Variants in NRXN1 observed in about 807,000 individuals in gnomAD.
NRXN1 encodes the protein neurexin-1.
NRXN1 carries 39 observed loss-of-function variants against 150.9 expected under a neutral mutation model. That is an observed-to-expected ratio of 0.26 (90% CI 0.20 to 0.34). The LOEUF is 0.34. Among genes scored for constraint, NRXN1 ranks in the 10% least tolerant of loss-of-function variants. The probability of loss-of-function intolerance (pLI) is 1.00; values close to 1 mark genes in which losing one functional copy is unlikely to be tolerated. For synonymous variants in NRXN1, 924 were observed against 757.0 expected, an observed-to-expected ratio of 1.22 and a Z score of -3.62; for missense variants, 1,815 against 1,949.9, an observed-to-expected ratio of 0.93 and a Z score of 1.30.
At chr2:50,056,800 CA>C (rs377747671) in intron 19 of NRXN1, among the ~76,000 whole-genome samples, 4 of 152,118 alleles carry the variant, frequency 2.6e-5, no homozygotes, top group Admixed American at 6.5e-5. Flanking sequence ...ATTTGAAAAG[CA>C]ATCACAAAAT....
intron 18 of NRXN1, among the ~76,000 whole-genome samples, chr2:50,132,070 G>A (rs1010163772): frequency 6.6e-6 from 1 of 152,160 alleles, no homozygotes; most frequent in Non-Finnish European, 1.5e-5. Flanking sequence ...GGTGCCATGT[G>A]CTGTTTACAA....
chr2:50,443,253 T>C (rs965611767), intron 17 of NRXN1, among the ~76,000 whole-genome samples: 8 of 152,180 alleles, frequency 5.3e-5, no homozygotes, highest in African/African-American at 1.7e-4. Context: ...AGTACTTGAA[T>C]AGATAAGCAG....
chr2:50,299,620 A>G lies in NRXN1; in HGVS notation c.3365-62650T>C, dbSNP rs965460715. 2.0e-5 allele frequency among the ~76,000 whole-genome samples: 3 copies of G among 152,204 alleles called. No individual in the cohort carries two copies. In the South Asian group the frequency reaches 6.2e-4, roughly 31 times the overall value. On this transcript the variant is annotated intron_variant, in intron 17 of 22. Coordinates refer to ENST00000401669, the MANE Select transcript of NRXN1 (RefSeq NM_001330078.2). ...CATATTAAGTACATATTAAAAACAT[A>G]GTATAAATATCAAGCCCTTGTTTTG...
At chr2:50,311,509 G>A (rs973971336) in intron 17 of NRXN1, among the ~76,000 whole-genome samples, 5 of 152,110 alleles carry the variant, frequency 3.3e-5, no homozygotes, top group African/African-American at 1.2e-4. Context: ...AACCTGGATA[G>A]ATGAATTCTA....
At chr2:50,306,420 C>T (rs971566485) in intron 17 of NRXN1, among the ~76,000 whole-genome samples, 1 of 152,150 alleles carries the variant, frequency 6.6e-6, no homozygotes, top group Non-Finnish European at 1.5e-5. Flanking sequence ...CACACTGAGC[C>T]TTTTGTCTTT....
In NRXN1 at chr2:50,789,208, C is replaced by A. The variant is rs73933055; in HGVS notation, c.832+132661G>T. On this transcript the variant is annotated intron_variant, in intron 5 of 22. Coordinates refer to ENST00000401669, the MANE Select transcript of NRXN1 (RefSeq NM_001330078.2). ...CATCTTTATATACCTACTGCTTGGA[C>A]CCAAAACCTGATTCATGGCTGTCAG... Among the ~76,000 whole-genome samples, 1,342 of 152,232 alleles carry A rather than the reference C, an allele frequency of 8.8e-3. 28 individuals carry two copies. Among genetic ancestry groups the A allele is most frequent in the African/African-American group, 0.031 (1,272 of 41,544 alleles).
At chr2:50,932,268 A>C (rs1236952736) in intron 2 of NRXN1, among the ~76,000 whole-genome samples, 1 of 151,836 alleles carries the variant, frequency 6.6e-6, no homozygotes, top group Non-Finnish European at 1.5e-5. Context: ...CATGCCTGTA[A>C]TCCCAGCTAC....
intron 5 of NRXN1, among the ~76,000 whole-genome samples, chr2:50,655,669 G>GT (rs1393327099): frequency 6.6e-6 from 1 of 150,978 alleles, no homozygotes; most frequent in Non-Finnish European, 1.5e-5. Flanking sequence ...TTTTCTTTTG[G>GT]GGGGGGAGGG....
At chr2:51,001,448 T>C (rs1332095247) in intron 2 of NRXN1, among the ~76,000 whole-genome samples, 1 of 151,900 alleles carries the variant, frequency 6.6e-6, no homozygotes, top group Non-Finnish European at 1.5e-5. Context: ...TATTGCACTA[T>C]ACTGTACTTA....
intron 2 of NRXN1, among the ~76,000 whole-genome samples, chr2:50,972,908 C>A (rs1164315250): frequency 6.6e-6 from 1 of 152,172 alleles, no homozygotes. Flanking sequence ...AGCAGAAAAT[C>A]AACTGCCATC....
chr2:50,860,265 A>C (rs1675930347), intron 5 of NRXN1, among the ~76,000 whole-genome samples: 1 of 152,032 alleles, frequency 6.6e-6, no homozygotes, highest in South Asian at 2.1e-4. Context: ...TCAGAAAAAA[A>C]AAAAATTGTG....
At chr2:50,325,087 A>C (rs1275223964) in intron 17 of NRXN1, among the ~76,000 whole-genome samples, 1 of 152,218 alleles carries the variant, frequency 6.6e-6, no homozygotes, top group African/African-American at 2.4e-5. Flanking sequence ...AAACAGACAG[A>C]GGGGAGAAGA....
intron 8 of NRXN1, among the ~76,000 whole-genome samples, chr2:50,595,044 G>A (rs1046079744): frequency 2.0e-5 from 3 of 151,828 alleles, no homozygotes; most frequent in East Asian, 1.9e-4. Context: ...ACACCAGAGC[G>A]GAGATCTTAT....
At chr2:50,175,562 T>C (rs2060301496) in intron 18 of NRXN1, among the ~76,000 whole-genome samples, 1 of 152,054 alleles carries the variant, frequency 6.6e-6, no homozygotes, top group African/African-American at 2.4e-5. Context: ...TTGGTTATTA[T>C]ACACAAAAGA....
At chr2:50,640,755 C>A (rs566308775) in intron 5 of NRXN1, among the ~76,000 whole-genome samples, 1 of 152,164 alleles carries the variant, frequency 6.6e-6, no homozygotes, top group Non-Finnish European at 1.5e-5. Context: ...AGAGAAATCC[C>A]TAATTAGCTA....
At chr2:50,786,351 A>C (rs1190628935) in intron 5 of NRXN1, among the ~76,000 whole-genome samples, 3 of 152,116 alleles carry the variant, frequency 2.0e-5, no homozygotes, top group Non-Finnish European at 4.4e-5. Context: ...GGCTTAGTTT[A>C]AATGCCAGTC....
intron 5 of NRXN1, among the ~76,000 whole-genome samples, chr2:50,825,779 C>T (rs115401547): frequency 0.016 from 2,436 of 152,290 alleles, 46 homozygotes; most frequent in Non-Finnish European, 0.025. Context: ...CATTGGAAGT[C>T]GGTCGGGAGG....
intron 17 of NRXN1, among the ~76,000 whole-genome samples, chr2:50,258,647 A>G (rs1006069154): frequency 2.6e-5 from 4 of 152,042 alleles, no homozygotes; most frequent in Non-Finnish European, 5.9e-5. Context: ...TCTTAATGGC[A>G]TCTAGAATGG....
At chr2:50,898,586 C>T (rs1369215367) in intron 5 of NRXN1, 2 of 489,546 alleles carry the variant, frequency 4.1e-6, no homozygotes, top group Admixed American at 2.1e-5. Context: ...TTGTGCTCTT[C>T]CTAGGATTCA....
Sources: gnomAD v4.1 joint callset for allele counts (sites outside exome capture counted in the v4.1 genomes callset) on GRCh38, gnomAD v4.1.1 for gene constraint, MANE v1.5 for transcripts, NCBI Gene and HGNC (gene_info 2026-07-23, HGNC 2026-07-21) for gene names.